Variants in FBXO38 observed in about 807,000 individuals in gnomAD.
FBXO38 encodes the protein F-box only protein 38.
FBXO38 carries 53 observed loss-of-function variants against 131.9 expected under a neutral mutation model. The observed-to-expected ratio is 0.40, with a 90% CI of 0.32 to 0.51. The LOEUF (loss-of-function observed/expected upper bound fraction) is 0.51. Among genes scored for constraint, FBXO38 ranks in the 20% least tolerant of loss-of-function variants. The pLI, the probability that FBXO38 is intolerant of heterozygous loss-of-function variation, is 0.53. For synonymous variants in FBXO38, 452 were observed against 505.6 expected, an observed-to-expected ratio of 0.89 and a Z score of 1.42; for missense variants, 1,076 against 1,475.6, an observed-to-expected ratio of 0.73 and a Z score of 4.44.
chr5:148,429,683 T>C (rs1753922832), intron 15 of FBXO38, among the ~76,000 whole-genome samples: 1 of 152,210 alleles, frequency 6.6e-6, no homozygotes, highest in Non-Finnish European at 1.5e-5. Flanking sequence ...GTTTAGGGAC[T>C]GTTATGTTTG....
chr5:148,433,130 T>C, intron 15 of FBXO38: 1 of 246,760 alleles, frequency 4.1e-6, no homozygotes, highest in Non-Finnish European at 7.9e-6. Context: ...TCACCAATAG[T>C]ATTTAGGATG....
At chr5:148,411,647 T>G (rs1471472560) in intron 9 of FBXO38, among the ~76,000 whole-genome samples, 1 of 152,276 alleles carries the variant, frequency 6.6e-6, no homozygotes, top group Admixed American at 6.5e-5. Context: ...TTTACTTTTT[T>G]GTTTTTCACA....
chr5:148,408,519 A>G (rs1752564443), intron 7 of FBXO38, among the ~76,000 whole-genome samples: 2 of 152,250 alleles, frequency 1.3e-5, no homozygotes, highest in South Asian at 4.1e-4. Context: ...TTCATATAGC[A>G]AAATACTGTA....
At chr5:148,415,190 A>C (rs571683818) in intron 10 of FBXO38, among the ~76,000 whole-genome samples, 3 of 152,190 alleles carry the variant, frequency 2.0e-5, no homozygotes, top group Non-Finnish European at 4.4e-5. Flanking sequence ...AGATGACTTT[A>C]AAAAAATAAC....
intron 18 of FBXO38, 66 bp downstream of exon 18, chr5:148,438,564 T>A: frequency 6.5e-7 from 1 of 1,534,352 alleles, no homozygotes; most frequent in Non-Finnish European, 8.8e-7. Flanking sequence ...TTTTTCTTGT[T>A]AGTCTTTAGC....
Position 148,402,479 on chromosome 5 carries a change from T to C in FBXO38, c.558T>C (p.Pro186=), listed in dbSNP as rs1752211662. 4 of 1,611,716 alleles carry C rather than the reference T, an allele frequency of 2.5e-6. No homozygotes were observed. The South Asian group carries it at 4.4e-5, about 18-fold the overall frequency. Reference sequence around the variant, plus strand: ...CTCCTGAAAATAAACTGAAAATTCCTATAGGAGCCAAAATTCAAACTTTAC... The same window carrying C: ...CTCCTGAAAATAAACTGAAAATTCCCATAGGAGCCAAAATTCAAACTTTAC... ...PIPPENKLKI[P]IGAKIQTLHL... The change falls in exon 5 of 22, where the codon CCT becomes CCC. Residue 186 remains proline, a synonymous_variant. Coordinates refer to ENST00000340253, the MANE Select transcript of FBXO38 (RefSeq NM_205836.3).
At chr5:148,399,902 G>A (rs1752044705) in intron 3 of FBXO38, among the ~76,000 whole-genome samples, 1 of 151,876 alleles carries the variant, frequency 6.6e-6, no homozygotes, top group Admixed American at 6.6e-5. Flanking sequence ...AATGGGATAA[G>A]GCTGAGAGGG....
At position 148,425,427 on chromosome 5, in the gene FBXO38, G is replaced by A. The variant is rs1009320722; in HGVS notation, c.1739-95G>A. 2.9e-5 allele frequency: 27 copies of A among 942,880 alleles called. No homozygotes were observed. The South Asian group carries it at 3.7e-4, about 13-fold the overall frequency. The allele number at this position is 942,880 out of a possible 1,614,324, so 58.4% of individuals were successfully genotyped here. A position where few individuals can be genotyped will look rare whatever the true frequency, so the allele number is the denominator to read the frequency against. ...AGGGGAGGCTGTATAGAGCCACAAA[G>A]CATCTCTGTTGATTCCAGATCCCTG... On this transcript the variant is annotated intron_variant, in intron 13 of 21. Coordinates refer to ENST00000340253, the MANE Select transcript of FBXO38 (RefSeq NM_205836.3).
chr5:148,394,847 A>T lies in FBXO38; in HGVS notation c.71A>T (p.Asp24Val). Reference sequence around the variant, plus strand: ...GAAATTCCAGAAGAAATGACAGCAGATGAAACAAAGGACTATATGAATCAA... The same window carrying T: ...GAAATTCCAGAAGAAATGACAGCAGTTGAAACAAAGGACTATATGAATCAA... ...NNEIPEEMTA[D>V]ETKDYMNQLS... The change falls in exon 2 of 22, where the codon GAT (aspartate) becomes GTT (valine). Residue 24 changes from aspartate to valine, a missense_variant. By Grantham distance (152) the Asp-to-Val change is radical. This residue lies in a region of FBXO38 where 58 missense variants were observed against 53.1 expected (regional missense o/e 1.09). Coordinates refer to ENST00000340253, the MANE Select transcript of FBXO38 (RefSeq NM_205836.3). The T allele has an allele frequency of 6.2e-7, 1 of 1,603,954 alleles. No individual in the cohort carries two copies. Among genetic ancestry groups the T allele is most frequent in the Non-Finnish European group, 8.5e-7 (1 of 1,175,620 alleles).
rs766469719 is a variant in FBXO38 at position 148,404,676 on chromosome 5, G to C, written c.593-9G>C. The C allele has an allele frequency of 1.3e-6, 2 of 1,525,492 alleles. No homozygotes were observed. Among genetic ancestry groups the C allele is most frequent in the Non-Finnish European group, 1.8e-6 (2 of 1,139,966 alleles). 94.5% of individuals were successfully genotyped at this position (1,525,492 alleles called of 1,614,324 possible). A position where few individuals can be genotyped will look rare whatever the true frequency, so the allele number is the denominator to read the frequency against. ...TTCTTGTTTGTTCTTTTTTATATTT[G>C]TGTTTTAGGGGTGAATGTTCCTGAA... is the stretch of plus-strand genomic sequence containing the variant. On this transcript the variant is annotated splice_polypyrimidine_tract_variant and intron_variant, in intron 5 of 21. Coordinates refer to ENST00000340253, the MANE Select transcript of FBXO38 (RefSeq NM_205836.3).
intron 18 of FBXO38, 46 bp downstream of exon 18, chr5:148,438,544 T>C (rs746309950): frequency 6.4e-6 from 10 of 1,558,142 alleles, no homozygotes; most frequent in African/African-American, 1.4e-5. Context: ...TTGTGGTGTT[T>C]TTCTTTTTCT....
intron 11 of FBXO38, chr5:148,416,750 G>A: frequency 2.1e-6 from 1 of 473,498 alleles, no homozygotes; most frequent in South Asian, 2.7e-5. Flanking sequence ...CTGGCCATGT[G>A]CTGTTGGGCA....
chr5:148,409,593 G>T (rs1251697002), intron 8 of FBXO38, among the ~76,000 whole-genome samples: 1 of 152,168 alleles, frequency 6.6e-6, no homozygotes, highest in Admixed American at 6.5e-5. Flanking sequence ...CTAGTTACTT[G>T]GTGATAATAT....
chr5:148,389,675 C>T (rs929433787), intron 1 of FBXO38: 6 of 152,192 alleles, frequency 3.9e-5, no homozygotes, highest in Non-Finnish European at 8.8e-5. Flanking sequence ...TTTCTCCTCA[C>T]TTTCTTTGGT....
Position 148,430,779 on chromosome 5 carries a change from TA to T in FBXO38, c.2654-2642del, listed in dbSNP as rs1420450543. 2.6e-5 allele frequency: 4 copies of T among 152,342 alleles called. No homozygotes were observed. The East Asian group carries it at 7.7e-4, about 29-fold the overall frequency. The allele number at this position is 152,342 out of a possible 1,614,324, so 9.4% of individuals were successfully genotyped here. A position where few individuals can be genotyped will look rare whatever the true frequency, so the allele number is the denominator to read the frequency against. The stretch of plus-strand genomic sequence containing the variant: ...TTTAATTTATGGCCCTGTGGAGTGT[TA>T]AAGCCATTTTAGAAGCTAATATAAT... On this transcript the variant is annotated intron_variant, in intron 15 of 21. Transcript: ENST00000340253.
chr5:148,418,462 T>C (rs1406480807), intron 12 of FBXO38, among the ~76,000 whole-genome samples: 1 of 152,226 alleles, frequency 6.6e-6, no homozygotes, highest in Non-Finnish European at 1.5e-5. Context: ...CTCTGTACTT[T>C]ATGTCCATGG....
intron 1 of FBXO38, among the ~76,000 whole-genome samples, chr5:148,392,252 G>A (rs2113493813): frequency 6.6e-6 from 1 of 152,278 alleles, no homozygotes; most frequent in East Asian, 1.9e-4. Flanking sequence ...TGTAAGAACT[G>A]TATTGAGATA....
intron 8 of FBXO38, among the ~76,000 whole-genome samples, chr5:148,409,744 T>A: frequency 6.6e-6 from 1 of 152,264 alleles, no homozygotes; most frequent in Non-Finnish European, 1.5e-5. Flanking sequence ...CCTCCACTTT[T>A]ATTTTATAAT....
chr5:148,395,514 C>T (rs1217354552), intron 2 of FBXO38, among the ~76,000 whole-genome samples: 1 of 151,654 alleles, frequency 6.6e-6, no homozygotes, highest in Non-Finnish European at 1.5e-5. Flanking sequence ...CTAGTTTCCA[C>T]TGCTCTCTTC....
Sources: allele counts gnomAD v4.1 joint callset (sites outside exome capture counted in the v4.1 genomes callset), GRCh38; gene constraint gnomAD v4.1.1; regional missense constraint gnomAD v4.1.1; transcripts MANE v1.5; gene names NCBI Gene and HGNC (gene_info 2026-07-23, HGNC 2026-07-21).